Variants in DEFB106A observed in about 807,000 individuals in gnomAD.
DEFB106A encodes defensin beta 106A.
For missense variants in DEFB106A, 4 were observed against 63.7 expected (o/e 0.06, Z 3.19); for synonymous variants, 1 against 22.5 (o/e 0.04, Z 2.70).
intron 1 of DEFB106A, among the ~76,000 whole-genome samples, chr8:7,826,397 T>C (rs1183677616): frequency 1.3e-5 from 2 of 149,594 alleles, no homozygotes; most frequent in Admixed American, 6.7e-5. Context: ...TATAATTAGT[T>C]ACTATAATTA....
intron 1 of DEFB106A, among the ~76,000 whole-genome samples, chr8:7,827,057 A>G (rs1375637667): frequency 7.8e-6 from 1 of 127,802 alleles, no homozygotes; most frequent in African/African-American, 2.6e-5. Context: ...ACTCTAGTAT[A>G]TAGTATAGTA....
At chr8:7,827,848 C>A (rs796751499) in intron 1 of DEFB106A, among the ~76,000 whole-genome samples, 1 of 141,206 alleles carries the variant, frequency 7.1e-6, no homozygotes, top group Non-Finnish European at 1.6e-5. Flanking sequence ...AGACCCCTGC[C>A]AGTGAGAGCC....
intron 1 of DEFB106A, among the ~76,000 whole-genome samples, chr8:7,827,086 T>A (rs1416039758): frequency 8.0e-6 from 1 of 125,382 alleles, no homozygotes. Flanking sequence ...AGTATAATAC[T>A]CTAGTATATA....
chr8:7,827,075 T>C lies in DEFB106A; in HGVS notation c.50-1730T>C, dbSNP rs1245214585. ...CTAGTATATAGTATAGTATACATAC[T>C]AGTATAATACTCTAGTATATAGCAT... On this transcript the variant is annotated intron_variant, in intron 1 of 1. Coordinates refer to ENST00000335186, the MANE Select transcript of DEFB106A (RefSeq NM_152251.4). Among the ~76,000 whole-genome samples, 280 of 127,978 alleles carry C rather than the reference T, an allele frequency of 2.2e-3. 3 individuals are homozygous for C. The highest frequency in any genetic ancestry group is 7.1e-3 in the African/African-American group (269 of 37,838). 84.0% of individuals were successfully genotyped at this position (127,978 alleles called of 152,430 possible).
intron 1 of DEFB106A, among the ~76,000 whole-genome samples, chr8:7,826,319 T>C (rs1303411174): frequency 1.3e-5 from 2 of 150,638 alleles, no homozygotes; most frequent in African/African-American, 4.9e-5. Flanking sequence ...ACTTATTATA[T>C]AATAAGTCAA....
At chr8:7,826,654 A>G (rs191005134) in intron 1 of DEFB106A, among the ~76,000 whole-genome samples, 1 of 125,664 alleles carries the variant, frequency 8.0e-6, no homozygotes, top group African/African-American at 2.7e-5. Flanking sequence ...TATATATTAT[A>G]TATATATATA....
At chr8:7,827,031 T>C (rs1817420921) in intron 1 of DEFB106A, among the ~76,000 whole-genome samples, 4 of 125,980 alleles carry the variant, frequency 3.2e-5, no homozygotes, top group South Asian at 5.8e-4. Context: ...TAATATAGTA[T>C]ATATACTAGT....
intron 1 of DEFB106A, among the ~76,000 whole-genome samples, chr8:7,826,211 AG>A (rs1276108991): frequency 7.1e-6 from 1 of 140,694 alleles, no homozygotes; most frequent in African/African-American, 2.6e-5. Context: ...TCAAAACATG[AG>A]GATCTAGGAC....
intron 1 of DEFB106A, among the ~76,000 whole-genome samples, chr8:7,828,449 TGA>T (rs1225553257): frequency 9.5e-6 from 1 of 105,290 alleles, no homozygotes; most frequent in Non-Finnish European, 2.1e-5. Context: ...TAGCAGCCTC[TGA>T]GAGTGCACTA....
intron 1 of DEFB106A, among the ~76,000 whole-genome samples, chr8:7,827,414 A>C (rs1479930167): frequency 2.6e-4 from 31 of 117,292 alleles, no homozygotes; most frequent in African/African-American, 1.0e-3. Context: ...TACTATTATA[A>C]TACTCTAGTA....
At chr8:7,826,670 A>ATTTT (rs368772606) in intron 1 of DEFB106A, among the ~76,000 whole-genome samples, 3 of 104,646 alleles carry the variant, frequency 2.9e-5, no homozygotes, top group African/African-American at 6.5e-5. Flanking sequence ...ATATATACAT[A>ATTTT]TTTTTTTTTT....
chr8:7,827,330 T>C (rs1817433980), intron 1 of DEFB106A, among the ~76,000 whole-genome samples: 1 of 125,258 alleles, frequency 8.0e-6, no homozygotes. Flanking sequence ...ATAGTGTATA[T>C]ACTAGTATAA....
At chr8:7,826,546 T>C (rs2128922791) in intron 1 of DEFB106A, among the ~76,000 whole-genome samples, 1 of 149,306 alleles carries the variant, frequency 6.7e-6, no homozygotes, top group Admixed American at 6.7e-5. Flanking sequence ...TTTGGTTTAG[T>C]ATAGTATTAT....
intron 1 of DEFB106A, among the ~76,000 whole-genome samples, chr8:7,827,403 A>G (rs1188015883): frequency 1.6e-5 from 2 of 123,882 alleles, no homozygotes; most frequent in African/African-American, 6.0e-5. Context: ...TATAGTGTAT[A>G]TACTATTATA....
At chr8:7,826,324 A>G (rs1430586408) in intron 1 of DEFB106A, among the ~76,000 whole-genome samples, 1 of 150,792 alleles carries the variant, frequency 6.6e-6, no homozygotes, top group Non-Finnish European at 1.5e-5. Flanking sequence ...TTATATAATA[A>G]GTCAAAAAAA....
At chr8:7,828,223 G>GA (rs1439757625) in intron 1 of DEFB106A, among the ~76,000 whole-genome samples, 2 of 149,604 alleles carry the variant, frequency 1.3e-5, no homozygotes, top group African/African-American at 4.9e-5. Flanking sequence ...GAAAATCTTA[G>GA]AAAAACATTC....
intron 1 of DEFB106A, among the ~76,000 whole-genome samples, chr8:7,826,568 G>C (rs1245747421): frequency 1.3e-5 from 2 of 148,350 alleles, no homozygotes; most frequent in Admixed American, 6.8e-5. Flanking sequence ...GTATAGCATA[G>C]TATATACTAT....
intron 1 of DEFB106A, among the ~76,000 whole-genome samples, chr8:7,827,367 T>A (rs1208136758): frequency 7.9e-6 from 1 of 126,428 alleles, no homozygotes; most frequent in Non-Finnish European, 1.7e-5. Context: ...ATAGTGTATA[T>A]ACTAGTATAA....
At chr8:7,826,322 TAA>T (rs1309947529) in intron 1 of DEFB106A, among the ~76,000 whole-genome samples, 4 of 150,646 alleles carry the variant, frequency 2.7e-5, no homozygotes, top group Admixed American at 6.7e-5. Flanking sequence ...TATTATATAA[TAA>T]GTCAAAAAAA....
Sources: gnomAD v4.1 joint callset for allele counts (sites outside exome capture counted in the v4.1 genomes callset) on GRCh38, gnomAD v4.1.1 for gene constraint, MANE v1.5 for transcripts, NCBI Gene and HGNC (gene_info 2026-07-23, HGNC 2026-07-21) for gene names.